ROS1: variants seen among roughly 807,000 people sequenced by gnomAD.
The protein encoded by ROS1 is proto-oncogene tyrosine-protein kinase ROS.
ROS1 carries 263 observed loss-of-function variants against 273.5 expected under a neutral mutation model. The observed-to-expected ratio is 0.96, with a 90% CI of 0.87 to 1.06. ROS1 has a LOEUF of 1.06. Among genes scored for constraint, ROS1 ranks in the 50% least tolerant of loss-of-function variants. The pLI is 0.00. For missense variants in ROS1, 2,833 were observed against 2,751.1 expected (o/e 1.03, Z -0.67); for synonymous variants, 1,008 against 954.1 (o/e 1.06, Z -1.04).
At chr6:117,350,417 T>TC (rs1778734296) in intron 27 of ROS1, among the ~76,000 whole-genome samples, 1 of 152,104 alleles carries the variant, frequency 6.6e-6, no homozygotes, top group Non-Finnish European at 1.5e-5. Context: ...GAATTTTTTT[T>TC]CTTTATCTTT....
At chr6:117,307,777 A>G (rs1407396179) in intron 42 of ROS1, among the ~76,000 whole-genome samples, 1 of 152,142 alleles carries the variant, frequency 6.6e-6, no homozygotes, top group Non-Finnish European at 1.5e-5. Context: ...CCAGCTCTTA[A>G]TCATCTTTTG....
chr6:117,321,174 G>A (rs781560760), intron 36 of ROS1, 85 bp downstream of exon 36: 2 of 1,432,138 alleles, frequency 1.4e-6, no homozygotes, highest in East Asian at 4.9e-5. Flanking sequence ...TGACTGTCTT[G>A]GGCAATGCGG....
At chr6:117,409,999 C>A (rs1272771523) in intron 4 of ROS1, among the ~76,000 whole-genome samples, 1 of 152,130 alleles carries the variant, frequency 6.6e-6, no homozygotes, top group East Asian at 1.9e-4. Context: ...ATATATTCAC[C>A]TGCCATAAAC....
At chr6:117,344,408 G>A (rs2128626605) in intron 27 of ROS1, 146 bp from the exon 28 acceptor site, 2 of 621,754 alleles carry the variant, frequency 3.2e-6, no homozygotes, top group South Asian at 4.7e-5. Flanking sequence ...ATATGAAAAT[G>A]ATTTGAAATA....
At chr6:117,300,103 T>G (rs1463295347) in intron 43 of ROS1, among the ~76,000 whole-genome samples, 2 of 140,066 alleles carry the variant, frequency 1.4e-5, no homozygotes, top group African/African-American at 5.4e-5. Context: ...TTTTTTTTTT[T>G]TTTTTTTTTT....
rs751439620 is a variant in ROS1, at chr6:117,288,712, A to G, written c.6806T>C (p.Met2269Thr). ...ETKNREGLNY[M>T]VLATECGQGE... ...TTGGCCACATTCTGTAGCAAGTACC[A>G]TATAGTTTAACCCTTCTCGGTTCTT... The change falls in exon 44 of 44, where the codon ATG (methionine) becomes ACG (threonine). Residue 2269 changes from methionine (M) to threonine (T), a missense_variant. By Grantham distance (81) the Met-to-Thr change is moderately conservative (BLOSUM62 -1). Coordinates refer to ENST00000368507, the MANE Select transcript of ROS1 (RefSeq NM_001378902.1). The G allele has an allele frequency of 3.1e-6, 5 of 1,614,118 alleles. No individual in the cohort carries two copies. The highest frequency in any genetic ancestry group is 3.4e-6 in the Non-Finnish European group (4 of 1,179,976).
intron 42 of ROS1, among the ~76,000 whole-genome samples, chr6:117,304,307 TA>T (rs1428977173): frequency 6.6e-6 from 1 of 152,148 alleles, no homozygotes; most frequent in Non-Finnish European, 1.5e-5. Flanking sequence ...ATTTAAAAAA[TA>T]AAGTAGAGTT....
At chr6:117,371,630 G>C (rs1054860122) in intron 18 of ROS1, among the ~76,000 whole-genome samples, 1 of 152,194 alleles carries the variant, frequency 6.6e-6, no homozygotes, top group Admixed American at 6.5e-5. Context: ...ACCATGACAG[G>C]TGGGAGGTAT....
chr6:117,401,868 A>C (rs1773974425), intron 7 of ROS1, among the ~76,000 whole-genome samples: 1 of 151,780 alleles, frequency 6.6e-6, no homozygotes, highest in Admixed American at 6.6e-5. Context: ...CCACAGCCAA[A>C]GAAGTTTATA....
Position 117,330,874 on chromosome 6 carries a change from G to A in ROS1, c.5231-1428C>T, listed in dbSNP as rs191786257. Among the ~76,000 whole-genome samples the A allele has an allele frequency of 1.3e-3, 203 of 152,174 alleles. 1 individual carries two copies. Among genetic ancestry groups the A allele is most frequent in the South Asian group, 4.8e-3 (23 of 4,818 alleles). On this transcript the variant is annotated intron_variant, in intron 32 of 43. Transcript: ENST00000368507. ...AAAGACCACAACTAGACAAACTCAC[G>A]AAGGTGAGAAAGAACCAATGAAAAA...
intron 40 of ROS1, among the ~76,000 whole-genome samples, chr6:117,310,671 G>A (rs986837654): frequency 6.6e-6 from 1 of 152,050 alleles, no homozygotes; most frequent in African/African-American, 2.4e-5. Flanking sequence ...AGTTTGCTGA[G>A]GATAATGGTT....
At chr6:117,322,949 G>A (rs980989301) in intron 35 of ROS1, among the ~76,000 whole-genome samples, 4 of 152,156 alleles carry the variant, frequency 2.6e-5, no homozygotes, top group Admixed American at 2.6e-4. Flanking sequence ...AGAGTTATGG[G>A]TTTAAACAAT....
At chr6:117,295,452 C>T (rs1169235517) in intron 43 of ROS1, among the ~76,000 whole-genome samples, 1 of 152,114 alleles carries the variant, frequency 6.6e-6, no homozygotes, top group African/African-American at 2.4e-5. Flanking sequence ...AGCAACACCC[C>T]ACAAGCACAG....
intron 18 of ROS1, among the ~76,000 whole-genome samples, chr6:117,367,675 G>T (rs2128664930): frequency 6.6e-6 from 1 of 152,264 alleles, no homozygotes; most frequent in African/African-American, 2.4e-5. Context: ...TGGAACCCCA[G>T]CTCAGCCAAT....
At chr6:117,343,919 GT>G (rs1258765985) in intron 28 of ROS1, 140 bp downstream of exon 28, 1 of 657,346 alleles carries the variant, frequency 1.5e-6, no homozygotes, top group Non-Finnish European at 2.6e-6. Flanking sequence ...AACACAATAT[GT>G]TTTGATGAAT....
At position 117,341,270 on chromosome 6, in the gene ROS1, ACT is replaced by A. The variant is rs768857881; in HGVS notation, c.4924_4925del (p.His1643SerfsTer8). The A allele has an allele frequency of 2.5e-6, 4 of 1,613,502 alleles. No homozygotes were observed. In the South Asian group the frequency reaches 3.3e-5, roughly 13 times the overall value. On this transcript the variant is annotated frameshift_variant, in exon 31 of 44. Transcript: ENST00000368507. LOFTEE classifies it high-confidence loss of function. ...TAAACATTTCCACAGTGACAGGATG[ACT>A]CTCTGTACACCACATTTCCTCAGAG... Reference protein sequence around the residue: ...CHSEEMWCTESHPVTVEMFNT... With the variant: ...CHSEEMWCTEXHPVTVEMFNT...
At chr6:117,356,361 A>G (rs898559402) in intron 26 of ROS1, among the ~76,000 whole-genome samples, 7 of 152,246 alleles carry the variant, frequency 4.6e-5, no homozygotes, top group Admixed American at 3.9e-4. Flanking sequence ...CATTTAGTAC[A>G]TGCTAAGAAT....
chr6:117,405,650 G>T (rs952151388), intron 5 of ROS1, among the ~76,000 whole-genome samples: 3 of 151,718 alleles, frequency 2.0e-5, no homozygotes, highest in African/African-American at 7.3e-5. Context: ...ATATTTCAAA[G>T]CCATGGTGAT....
At chr6:117,416,511 C>G (rs1161923603) in intron 2 of ROS1, among the ~76,000 whole-genome samples, 194 bp from the exon 3 acceptor site, 3 of 152,172 alleles carry the variant, frequency 2.0e-5, no homozygotes, top group Non-Finnish European at 4.4e-5. Flanking sequence ...ACAGGTAGAA[C>G]AAGTCTTGTG....
Sources: gnomAD v4.1 joint callset for allele counts (sites outside exome capture counted in the v4.1 genomes callset) on GRCh38, gnomAD v4.1.1 for gene constraint, MANE v1.5 for transcripts, NCBI Gene and HGNC (gene_info 2026-07-23, HGNC 2026-07-21) for gene names.